The following PPARGC1B variants were observed in gnomAD, a reference collection of about 807,000 sequenced individuals.
PPARGC1B encodes the protein PPARG coactivator 1 beta.
A neutral mutation model predicts 101.6 loss-of-function variants in PPARGC1B; 34 were observed. That is an observed-to-expected ratio of 0.33 (90% confidence interval 0.25 to 0.45). The LOEUF is 0.45. PPARGC1B is among the 20% of genes least tolerant of loss of function. The pLI is 1.00. For synonymous variants in PPARGC1B, 548 were observed against 539.3 expected (o/e 1.02, Z -0.22); for missense variants, 1,234 against 1,317.6 (o/e 0.94, Z 0.98).
At chr5:149,786,884 G>T in intron 1 of PPARGC1B, among the ~76,000 whole-genome samples, 1 of 152,202 alleles carries the variant, frequency 6.6e-6, no homozygotes, top group Admixed American at 6.5e-5. Context: ...GGTGCCTGCT[G>T]CATTTCTTTC....
At chr5:149,784,567 T>C (rs1347438149) in intron 1 of PPARGC1B, among the ~76,000 whole-genome samples, 2 of 139,926 alleles carry the variant, frequency 1.4e-5, no homozygotes, top group East Asian at 4.2e-4. Context: ...TTTCTTTTTT[T>C]TTTTTTTTTT....
At chr5:149,749,742 G>A (rs1478015095) in intron 1 of PPARGC1B, among the ~76,000 whole-genome samples, 1 of 152,166 alleles carries the variant, frequency 6.6e-6, no homozygotes. Context: ...TCTTTGCTGT[G>A]TGACCTTGGA....
In PPARGC1B at chr5:149,853,533, G is replaced by A. The variant is rs1347563840; in HGVS notation, c.*5975G>A. On this transcript the variant is annotated 3_prime_UTR_variant, in exon 12 of 12. Coordinates refer to ENST00000309241, the MANE Select transcript of PPARGC1B (RefSeq NM_133263.4). This position sits in a 1 kb window ranked among gnomAD's most constrained non-coding sequence, Gnocchi z 4.2. ...TGACCTTGTTAAGTAAACCTTTGCTGGGTGGTCCGAATTCTGCCCTCAAGG... is the reference window on the plus strand; with the variant it reads ...TGACCTTGTTAAGTAAACCTTTGCTAGGTGGTCCGAATTCTGCCCTCAAGG... 1 of 152,260 alleles carries A rather than the reference G, an allele frequency of 6.6e-6. No individual in the cohort carries two copies. Among genetic ancestry groups the A allele is most frequent in the Non-Finnish European group, 1.5e-5 (1 of 68,046 alleles). 9.4% of individuals were successfully genotyped at this position (152,260 alleles called of 1,614,324 possible). A position where few individuals can be genotyped will look rare whatever the true frequency, so the allele number is the denominator to read the frequency against.
At position 149,845,882 on chromosome 5, in the gene PPARGC1B, G is replaced by T. The variant is rs769619393; in HGVS notation, c.2939G>T (p.Arg980Leu). Reference sequence around the variant, plus strand: ...TTCCAGCTGAGCTACGGAGGGCTCCGGCACTTCTGCTGGCCCAGATACACT... The same window carrying T: ...TTCCAGCTGAGCTACGGAGGGCTCCTGCACTTCTGCTGGCCCAGATACACT... ...PSFQLSYGGLRHFCWPRYTDY... is the reference protein window; with the variant it reads ...PSFQLSYGGLLHFCWPRYTDY... Residue 980 changes from arginine to leucine, a missense_variant, in exon 11 of 12, where the codon CGG becomes CTG. This residue lies in a region of PPARGC1B where 497 missense variants were observed against 529.5 expected (regional missense o/e 0.94). Coordinates refer to ENST00000309241, the MANE Select transcript of PPARGC1B (RefSeq NM_133263.4). 2 of 1,614,104 alleles carry T rather than the reference G, an allele frequency of 1.2e-6. No homozygotes were observed. The highest frequency in any genetic ancestry group is 2.7e-5 in the African/African-American group (2 of 74,936).
At chr5:149,778,063 T>TCA (rs1219646323) in intron 1 of PPARGC1B, among the ~76,000 whole-genome samples, 1,714 of 11,808 alleles carry the variant, frequency 0.15, 99 homozygotes, top group South Asian at 0.21. Flanking sequence ...TAGCAGCATC[T>TCA]CACACACACA....
intron 1 of PPARGC1B, among the ~76,000 whole-genome samples, chr5:149,813,727 T>C (rs568465385): frequency 1.3e-5 from 2 of 152,328 alleles, no homozygotes; most frequent in African/African-American, 4.8e-5. Flanking sequence ...CTGTTTCTGC[T>C]TCTGTAACAA....
intron 1 of PPARGC1B, among the ~76,000 whole-genome samples, chr5:149,782,542 T>A (rs1319904075): frequency 6.6e-6 from 1 of 152,184 alleles, no homozygotes; most frequent in Non-Finnish European, 1.5e-5. Flanking sequence ...CCCAGATTTC[T>A]AGAGAATGGA....
intron 1 of PPARGC1B, among the ~76,000 whole-genome samples, chr5:149,731,181 G>C (rs907062964): frequency 1.3e-5 from 2 of 152,134 alleles, no homozygotes; most frequent in African/African-American, 4.8e-5. Flanking sequence ...CACTGGCTGA[G>C]CCCGGGAGCC....
At chr5:149,857,179 C>T (rs981202422), downstream of PPARGC1B, among the ~76,000 whole-genome samples, 2 of 152,140 alleles carry the variant, frequency 1.3e-5, no homozygotes, top group African/African-American at 4.8e-5. Context: ...ATAAATGGAG[C>T]TAGTAACAGT....
At chr5:149,792,536 G>A (rs575278712) in intron 1 of PPARGC1B, among the ~76,000 whole-genome samples, 34 of 152,330 alleles carry the variant, frequency 2.2e-4, no homozygotes, top group Non-Finnish European at 3.5e-4. Context: ...TGATTTTAGA[G>A]ATGTCGGCAC....
intron 1 of PPARGC1B, among the ~76,000 whole-genome samples, chr5:149,758,541 GA>G (rs1307319707): frequency 6.6e-6 from 1 of 152,208 alleles, no homozygotes; most frequent in African/African-American, 2.4e-5. Context: ...ACAAGTACAG[GA>G]CCTGGTTGGG....
intron 8 of PPARGC1B, among the ~76,000 whole-genome samples, chr5:149,838,976 C>A (rs938368161): frequency 6.6e-6 from 1 of 152,178 alleles, no homozygotes; most frequent in Non-Finnish European, 1.5e-5. Context: ...AATTCTGTTG[C>A]AAAAGGGATG....
At chr5:149,741,578 C>T (rs1459722726) in intron 1 of PPARGC1B, among the ~76,000 whole-genome samples, 2 of 151,888 alleles carry the variant, frequency 1.3e-5, no homozygotes, top group Non-Finnish European at 2.9e-5. Context: ...CTGTGTTTGG[C>T]AATGCCATAC....
intron 1 of PPARGC1B, among the ~76,000 whole-genome samples, chr5:149,797,929 C>T (rs1247650319): frequency 6.6e-6 from 1 of 151,922 alleles, no homozygotes; most frequent in African/African-American, 2.4e-5. Context: ...CCACCCCCCG[C>T]CAAAAAACAA....
intron 1 of PPARGC1B, among the ~76,000 whole-genome samples, chr5:149,809,035 G>A (rs1196629738): frequency 6.6e-6 from 1 of 151,982 alleles, no homozygotes; most frequent in Admixed American, 6.6e-5. Context: ...TAGCACTTTG[G>A]GAGACCAAGG....
At chr5:149,754,520 C>T (rs996659179) in intron 1 of PPARGC1B, among the ~76,000 whole-genome samples, 1 of 152,186 alleles carries the variant, frequency 6.6e-6, no homozygotes, top group Admixed American at 6.5e-5. Flanking sequence ...GTTTTTAAAA[C>T]TGTAGAAAGC....
Position 149,755,562 on chromosome 5 carries a change from G to A in PPARGC1B, c.78+25142G>A, listed in dbSNP as rs115097917. On this transcript the variant is annotated intron_variant, in intron 1 of 11. Transcript: ENST00000309241. ...TTGCAGAAGATGGCTGAAACAGTGC[G>A]GGAGTCCTTCTTGTCTGCTGTAGAT... Among the ~76,000 whole-genome samples the A allele has an allele frequency of 3.1e-3, 477 of 151,654 alleles. 5 individuals carry two copies. The highest frequency in any genetic ancestry group is 0.024 in the South Asian group (113 of 4,788).
At chr5:149,747,673 G>T (rs1755139204) in intron 1 of PPARGC1B, among the ~76,000 whole-genome samples, 1 of 152,210 alleles carries the variant, frequency 6.6e-6, no homozygotes, top group Non-Finnish European at 1.5e-5. Flanking sequence ...GGGGCCTCCA[G>T]CCTACTCCAG....
chr5:149,743,741 C>G (rs1434654963), intron 1 of PPARGC1B, among the ~76,000 whole-genome samples: 1 of 152,116 alleles, frequency 6.6e-6, no homozygotes, highest in South Asian at 2.1e-4. Flanking sequence ...AGTCACCTGC[C>G]CTTGTCACCA....
Sources: allele counts gnomAD v4.1 joint callset (sites outside exome capture counted in the v4.1 genomes callset), GRCh38; gene constraint gnomAD v4.1.1; regional missense constraint gnomAD v4.1.1; non-coding constraint Gnocchi (gnomAD v3.1); transcripts MANE v1.5; gene names NCBI Gene and HGNC (gene_info 2026-07-23, HGNC 2026-07-21).